The following KHDRBS2 variants were observed in gnomAD, a reference collection of about 807,000 sequenced individuals.
The protein encoded by KHDRBS2 is KH domain-containing, RNA-binding, signal transduction-associated protein 2.
A neutral mutation model predicts 44.3 loss-of-function variants in KHDRBS2; 26 were observed. The ratio of observed to expected loss-of-function variants is 0.59; its 90% CI spans 0.43 to 0.81. KHDRBS2 has a LOEUF of 0.81. KHDRBS2 is among the 40% of genes least tolerant of loss of function. The pLI, the probability that KHDRBS2 is intolerant of heterozygous loss-of-function variation, is 0.00. For missense variants in KHDRBS2, 476 were observed against 433.1 expected, an observed-to-expected ratio of 1.10 and a Z score of -0.88; for synonymous variants, 194 against 151.1, an observed-to-expected ratio of 1.28 and a Z score of -2.08.
At chr6:62,221,559 C>G (rs1285093120) in intron 1 of KHDRBS2, among the ~76,000 whole-genome samples, 1 of 151,684 alleles carries the variant, frequency 6.6e-6, no homozygotes, top group Non-Finnish European at 1.5e-5. Context: ...CTGATAACAC[C>G]AACTTATATG....
At chr6:62,178,222 T>A (rs1821535709) in intron 1 of KHDRBS2, among the ~76,000 whole-genome samples, 1 of 151,480 alleles carries the variant, frequency 6.6e-6, no homozygotes, top group Admixed American at 6.6e-5. Context: ...AAGCCCTGAA[T>A]GACAGAGAAG....
chr6:62,265,156 G>A (rs6934481), intron 1 of KHDRBS2, among the ~76,000 whole-genome samples: 2,383 of 151,928 alleles, frequency 0.016, 61 homozygotes, highest in African/African-American at 0.055. Context: ...AGATGCAATG[G>A]GGACCCTCGG....
rs554857058 is a variant in KHDRBS2 at position 62,200,932 on chromosome 6, G to A, written c.92-23620C>T. Among the ~76,000 whole-genome samples the A allele has an allele frequency of 3.0e-3, 457 of 152,260 alleles. 2 individuals carry two copies. The highest frequency in any genetic ancestry group is 6.0e-3 in the South Asian group (29 of 4,826). ...AAAAAATGATGAGTTCATGTTCTTT[G>A]TAGGGGCATGGATGAAGCTGGAAAC... On this transcript the variant is annotated intron_variant, in intron 1 of 8. Coordinates refer to ENST00000281156, the MANE Select transcript of KHDRBS2 (RefSeq NM_152688.4).
chr6:62,265,782 C>T (rs913173866), intron 1 of KHDRBS2, among the ~76,000 whole-genome samples: 1 of 151,976 alleles, frequency 6.6e-6, no homozygotes, highest in African/African-American at 2.4e-5. Context: ...TGGCAATGGG[C>T]CTTTTGAAAC....
chr6:61,744,127 C>G (rs1329500814), intron 6 of KHDRBS2, among the ~76,000 whole-genome samples: 2 of 152,054 alleles, frequency 1.3e-5, no homozygotes, highest in African/African-American at 2.4e-5. Flanking sequence ...CTATGCATAT[C>G]TGAGATTTTA....
intron 8 of KHDRBS2, among the ~76,000 whole-genome samples, chr6:61,690,180 C>A (rs1767236987): frequency 6.6e-6 from 1 of 151,968 alleles, no homozygotes; most frequent in Non-Finnish European, 1.5e-5. Context: ...CCTAAGGTGG[C>A]ATATCCCTGG....
intron 2 of KHDRBS2, among the ~76,000 whole-genome samples, chr6:62,127,177 C>T (rs980268777): frequency 1.3e-5 from 2 of 152,110 alleles, no homozygotes; most frequent in African/African-American, 4.8e-5. Flanking sequence ...AGATTCAAAA[C>T]CTACAGTATT....
intron 3 of KHDRBS2, among the ~76,000 whole-genome samples, chr6:61,998,256 G>A (rs1449529970): frequency 1.3e-5 from 2 of 152,082 alleles, no homozygotes; most frequent in Non-Finnish European, 2.9e-5. Flanking sequence ...AGAGTGAGAA[G>A]AAATTGAATT....
intron 6 of KHDRBS2, among the ~76,000 whole-genome samples, chr6:61,834,522 C>A (rs1792344639): frequency 6.6e-6 from 1 of 151,970 alleles, no homozygotes; most frequent in Non-Finnish European, 1.5e-5. Context: ...CTCTCAAAAG[C>A]TAATTCCTTT....
Position 62,170,403 on chromosome 6 carries a change from C to T in KHDRBS2, c.219+6782G>A, listed in dbSNP as rs1440037835. On this transcript the variant is annotated intron_variant, in intron 2 of 8. Coordinates refer to ENST00000281156, the MANE Select transcript of KHDRBS2 (RefSeq NM_152688.4). ...GGATGGAGCTTGATTGAAGGGGGCTCCTCCAAGGCCTGGGAGCAGACTGTG... is the reference window on the plus strand; with the variant it reads ...GGATGGAGCTTGATTGAAGGGGGCTTCTCCAAGGCCTGGGAGCAGACTGTG... Among the ~76,000 whole-genome samples, 4 of 152,196 alleles carry T rather than the reference C, an allele frequency of 2.6e-5. No homozygotes were observed. The East Asian group carries it at 7.8e-4, about 30-fold the overall frequency.
chr6:62,174,672 C>A (rs1430558325), intron 2 of KHDRBS2, among the ~76,000 whole-genome samples: 9 of 151,608 alleles, frequency 5.9e-5, no homozygotes, highest in Non-Finnish European at 1.3e-4. Flanking sequence ...CCCAAGAATT[C>A]CCATAGTCAT....
intron 6 of KHDRBS2, among the ~76,000 whole-genome samples, chr6:61,773,531 T>C (rs1429397857): frequency 1.3e-5 from 2 of 151,742 alleles, no homozygotes; most frequent in Non-Finnish European, 2.9e-5. Context: ...TCATTGTAGA[T>C]TCTGGATATT....
chr6:61,752,671 CAA>C (rs56410130), intron 6 of KHDRBS2, among the ~76,000 whole-genome samples: 1 of 111,336 alleles, frequency 9.0e-6, no homozygotes, highest in Admixed American at 1.0e-4. Context: ...TTGTGGTATA[CAA>C]AAAAAAAAAA....
At chr6:61,668,753 T>C in the KHDRBS2 span, among the ~76,000 whole-genome samples, 1 of 151,044 alleles carries the variant, frequency 6.6e-6, no homozygotes, top group African/African-American at 2.4e-5. Flanking sequence ...TTCCAAATCT[T>C]TTTCCTTGTT....
chr6:61,965,625 G>A (rs1224067208), intron 4 of KHDRBS2, among the ~76,000 whole-genome samples: 2 of 151,784 alleles, frequency 1.3e-5, no homozygotes, highest in African/African-American at 2.4e-5. Context: ...ATATATGTTA[G>A]TATTTATTTT....
chr6:62,005,905 G>A (rs919620429), intron 3 of KHDRBS2, among the ~76,000 whole-genome samples: 24 of 151,804 alleles, frequency 1.6e-4, no homozygotes, highest in Non-Finnish European at 3.2e-4. Context: ...CAGTTTAAGC[G>A]ATTACTAACA....
chr6:62,169,074 TATAA>T (rs1163762659), intron 2 of KHDRBS2, among the ~76,000 whole-genome samples: 54 of 142,214 alleles, frequency 3.8e-4, no homozygotes, highest in Middle Eastern at 7.5e-3. Context: ...TATACATGAA[TATAA>T]ATATATACAC....
chr6:61,839,914 G>C (rs1793335916), intron 6 of KHDRBS2, among the ~76,000 whole-genome samples: 1 of 152,036 alleles, frequency 6.6e-6, no homozygotes, highest in South Asian at 2.1e-4. Context: ...CTAGTTTTGT[G>C]ATTCCCTTCC....
chr6:61,589,958 C>A, the KHDRBS2 span, among the ~76,000 whole-genome samples: 13 of 152,158 alleles, frequency 8.5e-5, no homozygotes, highest in South Asian at 2.7e-3. Context: ...CAAAAACAGT[C>A]CCCCCACAGT....
Sources: gnomAD v4.1 joint callset for allele counts (sites outside exome capture counted in the v4.1 genomes callset) on GRCh38, gnomAD v4.1.1 for gene constraint, MANE v1.5 for transcripts, NCBI Gene and HGNC (gene_info 2026-07-23, HGNC 2026-07-21) for gene names.